SUSD4: variants seen among roughly 807,000 people sequenced by gnomAD.
SUSD4 encodes the protein sushi domain-containing protein 4.
In SUSD4, 41 loss-of-function variants were observed where a neutral mutation model predicts 50.5. That is an observed-to-expected ratio of 0.81 (90% CI 0.63 to 1.05). The LOEUF is 1.05. SUSD4 is among the 50% of genes least tolerant of loss of function. SUSD4 has a pLI of 0.00. For missense variants in SUSD4, 580 were observed against 634.7 expected (o/e 0.91, Z 0.93); for synonymous variants, 257 against 257.3 (o/e 1.00, Z 0.01).
In SUSD4 at chr1:223,229,294, G is replaced by A; in HGVS notation, c.819C>T (p.Tyr273=). The change falls in exon 6 of 9, where the codon TAC becomes TAT. Residue 273 remains tyrosine (Y), a synonymous_variant. Coordinates refer to ENST00000366878, the MANE Select transcript of SUSD4 (RefSeq NM_017982.4). This position sits in a 1 kb window ranked among gnomAD's most constrained non-coding sequence, Gnocchi z 4.7. ...RYNHGTVVEF[Y]CDPGYSLTSD... ...TGGTGAGGCTGTAGCCAGGATCGCA[G>A]TAAAACTCCACCACAGTTCCGTGGT... 1 of 1,613,464 alleles carries A rather than the reference G, an allele frequency of 6.2e-7. No homozygotes were observed. Among genetic ancestry groups the A allele is most frequent in the Non-Finnish European group, 8.5e-7 (1 of 1,179,474 alleles).
At chr1:223,271,225 A>G (rs1166217700) in intron 3 of SUSD4, among the ~76,000 whole-genome samples, 1 of 152,198 alleles carries the variant, frequency 6.6e-6, no homozygotes, top group East Asian at 1.9e-4. Flanking sequence ...TAGAGAATAA[A>G]GTCAATGGAT....
intron 2 of SUSD4, among the ~76,000 whole-genome samples, chr1:223,320,008 G>A (rs1407670719): frequency 1.3e-5 from 2 of 152,178 alleles, no homozygotes; most frequent in Non-Finnish European, 2.9e-5. Context: ...GCGAAGCCAG[G>A]TGAACACCCA....
chr1:223,228,959 A>G (rs1279813558), intron 6 of SUSD4, among the ~76,000 whole-genome samples: 1 of 151,762 alleles, frequency 6.6e-6, no homozygotes, highest in African/African-American at 2.4e-5. Flanking sequence ...GGCCCCTAGC[A>G]TCCATGGAAG....
At chr1:223,281,924 C>G (rs1160378357) in intron 3 of SUSD4, among the ~76,000 whole-genome samples, 1 of 152,194 alleles carries the variant, frequency 6.6e-6, no homozygotes, top group Admixed American at 6.5e-5. Flanking sequence ...GGATGCAAGG[C>G]TGGTTCAACA....
intron 2 of SUSD4, chr1:223,359,053 C>T: frequency 2.1e-6 from 1 of 471,112 alleles, no homozygotes. Context: ...CTCAATTCAG[C>T]TGCACTAGGA....
At chr1:223,364,185 C>G (rs911722907), upstream of SUSD4, 2 of 151,768 alleles carry the variant, frequency 1.3e-5, no homozygotes, top group East Asian at 4.0e-4. The surrounding 1 kb of genome is among the most constrained non-coding windows in gnomAD (Gnocchi z 4.5). Context: ...TCGGCGGCGG[C>G]GCTCGGCTCC....
At chr1:223,363,608 G>T in intron 1 of SUSD4, 148 bp from the exon 2 acceptor site, 1 of 933,946 alleles carries the variant, frequency 1.1e-6, no homozygotes, top group Non-Finnish European at 1.5e-6. Context: ...CCTTTCCCAC[G>T]GCGAGGTCCC....
chr1:223,245,739 C>T (rs936356567), intron 5 of SUSD4, among the ~76,000 whole-genome samples: 3 of 152,148 alleles, frequency 2.0e-5, no homozygotes, highest in Admixed American at 6.5e-5. Flanking sequence ...GAGATGATGG[C>T]GGCCTGGACC....
At chr1:223,346,509 G>A (rs1436735788) in intron 2 of SUSD4, among the ~76,000 whole-genome samples, 3 of 152,058 alleles carry the variant, frequency 2.0e-5, no homozygotes, top group Admixed American at 6.5e-5. Context: ...AAACTCCCAT[G>A]GCTGAGTGCC....
chr1:223,364,527 CG>C (rs1669207036), upstream of SUSD4, among the ~76,000 whole-genome samples: 1 of 149,746 alleles, frequency 6.7e-6, no homozygotes, highest in East Asian at 2.0e-4. This position sits in a 1 kb window ranked among gnomAD's most constrained non-coding sequence, Gnocchi z 4.5. Context: ...CTGCACCTGT[CG>C]GGGCGCGAGG....
In SUSD4 at chr1:223,222,145, G is replaced by C; in HGVS notation, c.*47C>G. 1 of 1,601,582 alleles carries C rather than the reference G, an allele frequency of 6.2e-7. No individual in the cohort carries two copies. The highest frequency in any genetic ancestry group is 2.2e-5 in the East Asian group (1 of 44,660). On this transcript the variant is annotated 3_prime_UTR_variant, in exon 9 of 9. Transcript: ENST00000366878. Reference sequence around the variant, plus strand: ...CTGTGACCTCACTCCAAGATACAAGGTCCTTTCCCCGAAGGAGCAGGAGAG... The same window carrying C: ...CTGTGACCTCACTCCAAGATACAAGCTCCTTTCCCCGAAGGAGCAGGAGAG...
chr1:223,267,577 G>T (rs1475517132), intron 4 of SUSD4, among the ~76,000 whole-genome samples: 1 of 152,158 alleles, frequency 6.6e-6, no homozygotes, highest in Non-Finnish European at 1.5e-5. Flanking sequence ...GAGCGTGATG[G>T]TCCGGGCTGC....
chr1:223,327,899 A>C (rs987551324), intron 2 of SUSD4, among the ~76,000 whole-genome samples: 8 of 152,184 alleles, frequency 5.3e-5, no homozygotes, highest in African/African-American at 1.9e-4. Flanking sequence ...AGCAATGTGT[A>C]GAAAATATAT....
intron 5 of SUSD4, among the ~76,000 whole-genome samples, chr1:223,250,987 G>A (rs1404685306): frequency 6.6e-6 from 1 of 152,178 alleles, no homozygotes; most frequent in Non-Finnish European, 1.5e-5. Context: ...GCAGTGGATC[G>A]AATTGGGTAT....
At chr1:223,319,175 A>G (rs1183799987) in intron 2 of SUSD4, among the ~76,000 whole-genome samples, 1 of 81,776 alleles carries the variant, frequency 1.2e-5, no homozygotes, top group Non-Finnish European at 2.4e-5. Flanking sequence ...AAAGATTTAA[A>G]TGTTAGACCT....
At chr1:223,262,949 T>G (rs1288668439) in intron 5 of SUSD4, among the ~76,000 whole-genome samples, 8 of 152,208 alleles carry the variant, frequency 5.3e-5, no homozygotes, top group Non-Finnish European at 1.2e-4. Flanking sequence ...AAAGCCACTC[T>G]CGGCTCCCTG....
intron 2 of SUSD4, among the ~76,000 whole-genome samples, chr1:223,304,127 C>T (rs1288314126): frequency 6.6e-6 from 1 of 152,214 alleles, no homozygotes; most frequent in East Asian, 1.9e-4. Flanking sequence ...GAACAGGCGC[C>T]CCTCATGCGT....
At chr1:223,255,996 A>G (rs950049352) in intron 5 of SUSD4, among the ~76,000 whole-genome samples, 1 of 152,166 alleles carries the variant, frequency 6.6e-6, no homozygotes, top group African/African-American at 2.4e-5. Flanking sequence ...AGTCTCTAAT[A>G]GCAGTGGCCA....
At chr1:223,287,000 C>T (rs1051492997) in intron 3 of SUSD4, among the ~76,000 whole-genome samples, 23 of 152,206 alleles carry the variant, frequency 1.5e-4, no homozygotes, top group African/African-American at 5.3e-4. Flanking sequence ...GAGCCTGTGG[C>T]TACATTGGTG....
Sources: allele counts gnomAD v4.1 joint callset (sites outside exome capture counted in the v4.1 genomes callset), GRCh38; gene constraint gnomAD v4.1.1; non-coding constraint Gnocchi (gnomAD v3.1); transcripts MANE v1.5; gene names NCBI Gene and HGNC (gene_info 2026-07-23, HGNC 2026-07-21).